KCNIP4: variants seen among roughly 807,000 people sequenced by gnomAD.
KCNIP4 encodes Kv channel-interacting protein 4.
A neutral mutation model predicts 34.0 loss-of-function variants in KCNIP4; 12 were observed. The ratio of observed to expected loss-of-function variants is 0.35; its 90% confidence interval spans 0.23 to 0.57. The LOEUF (loss-of-function observed/expected upper bound fraction) is 0.57. KCNIP4 is among the 20% of genes least tolerant of loss of function. The pLI is 0.83. For missense variants in KCNIP4, 238 were observed against 311.7 expected (o/e 0.76, Z 1.78); for synonymous variants, 124 against 102.2 (o/e 1.21, Z -1.29).
chr4:21,418,253 G>T (rs935689122), intron 1 of KCNIP4, among the ~76,000 whole-genome samples: 1 of 152,120 alleles, frequency 6.6e-6, no homozygotes, highest in East Asian at 1.9e-4. Context: ...GCCTGCATCC[G>T]TGCCTTATGC....
intron 1 of KCNIP4, among the ~76,000 whole-genome samples, chr4:21,347,653 G>A (rs1428606472): frequency 1.3e-5 from 2 of 152,194 alleles, no homozygotes; most frequent in East Asian, 3.8e-4. Context: ...TATGGGTGTT[G>A]TGTATTTAAG....
chr4:20,781,019 A>G (rs910412011), intron 3 of KCNIP4, among the ~76,000 whole-genome samples: 4 of 152,176 alleles, frequency 2.6e-5, no homozygotes, highest in African/African-American at 9.7e-5. Context: ...TTGGGAGATA[A>G]CCACCACATA....
intron 1 of KCNIP4, among the ~76,000 whole-genome samples, chr4:20,932,618 A>G (rs1730596090): frequency 6.6e-6 from 1 of 152,082 alleles, no homozygotes; most frequent in African/African-American, 2.4e-5. Flanking sequence ...AATTTGATTC[A>G]CCATAGTAAC....
At chr4:21,914,374 T>G (rs1392225534) in intron 1 of KCNIP4, among the ~76,000 whole-genome samples, 2 of 152,118 alleles carry the variant, frequency 1.3e-5, no homozygotes. Flanking sequence ...GACCACGTTG[T>G]GAGATGCAAA....
chr4:21,498,037 C>A (rs188083764), intron 1 of KCNIP4, among the ~76,000 whole-genome samples: 6 of 152,034 alleles, frequency 3.9e-5, no homozygotes, highest in African/African-American at 1.4e-4. Context: ...CTTCAGAAAG[C>A]CCTGGCTTCA....
chr4:21,069,317 T>G (rs1052593666), intron 1 of KCNIP4, among the ~76,000 whole-genome samples: 3 of 152,234 alleles, frequency 2.0e-5, no homozygotes, highest in African/African-American at 7.2e-5. Context: ...TACAGGATTT[T>G]ATATTGGTCC....
intron 5 of KCNIP4, among the ~76,000 whole-genome samples, chr4:20,738,798 C>T (rs1024049472): frequency 5.9e-5 from 9 of 152,174 alleles, no homozygotes; most frequent in South Asian, 2.1e-4. Context: ...GGCATCGCCT[C>T]ACCCAGGAAG....
chr4:21,744,501 G>A (rs971867605), intron 1 of KCNIP4, among the ~76,000 whole-genome samples: 19 of 152,274 alleles, frequency 1.2e-4, no homozygotes, highest in African/African-American at 4.6e-4. Context: ...CCAGGAAAAA[G>A]TTTACAGTCT....
At chr4:21,583,507 T>C (rs751907291) in intron 1 of KCNIP4, among the ~76,000 whole-genome samples, 3 of 151,942 alleles carry the variant, frequency 2.0e-5, no homozygotes, top group Non-Finnish European at 4.4e-5. Flanking sequence ...CATAAAGAAG[T>C]CCTAGGAACT....
chr4:21,689,789 AC>A (rs1322442449), intron 1 of KCNIP4, among the ~76,000 whole-genome samples: 1 of 152,020 alleles, frequency 6.6e-6, no homozygotes, highest in African/African-American at 2.4e-5. Context: ...TTCTATGCCC[AC>A]CCTGGCCACT....
chr4:21,770,462 TATA>T (rs1185782853), intron 1 of KCNIP4, among the ~76,000 whole-genome samples: 1 of 152,182 alleles, frequency 6.6e-6, no homozygotes, highest in Non-Finnish European at 1.5e-5. Context: ...TTCCTTTGAG[TATA>T]TACCCAGTAA....
chr4:20,772,161 G>A (rs1054127425), intron 3 of KCNIP4, among the ~76,000 whole-genome samples: 1 of 152,188 alleles, frequency 6.6e-6, no homozygotes, highest in Admixed American at 6.5e-5. Context: ...TTGAACTTGA[G>A]TTTGACTGCA....
At chr4:21,639,816 C>G (rs1039607793) in intron 1 of KCNIP4, among the ~76,000 whole-genome samples, 1 of 152,042 alleles carries the variant, frequency 6.6e-6, no homozygotes, top group Non-Finnish European at 1.5e-5. Flanking sequence ...ATTATATATT[C>G]TGGAACTGGG....
In KCNIP4 at chr4:21,627,030, T is replaced by A. The variant is rs369523068; in HGVS notation, c.61+321541A>T. ...CTTTTTCCTATTGCCTCTTAAATGT[T>A]GTTTTATAACTGAATGCTGAAGTCA... On this transcript the variant is annotated intron_variant, in intron 1 of 8. Transcript: ENST00000382152. Among the ~76,000 whole-genome samples, 262 of 152,326 alleles carry A rather than the reference T, an allele frequency of 1.7e-3. 10 individuals are homozygous for A. In the South Asian group the frequency reaches 0.047, roughly 28 times the overall value.
intron 1 of KCNIP4, among the ~76,000 whole-genome samples, chr4:21,449,137 T>C (rs1176470432): frequency 6.6e-6 from 1 of 152,212 alleles, no homozygotes; most frequent in Non-Finnish European, 1.5e-5. Flanking sequence ...AGGTATGGGC[T>C]GAAAGGACAT....
At chr4:21,504,043 A>T (rs540114996) in intron 1 of KCNIP4, among the ~76,000 whole-genome samples, 3 of 152,276 alleles carry the variant, frequency 2.0e-5, no homozygotes, top group African/African-American at 7.2e-5. Flanking sequence ...TCCAATTCCA[A>T]GCACTCTCAT....
chr4:20,961,426 A>G, intron 1 of KCNIP4, among the ~76,000 whole-genome samples: 1 of 152,220 alleles, frequency 6.6e-6, no homozygotes, highest in Non-Finnish European at 1.5e-5. Context: ...TGAGAAATGA[A>G]TACACTGATC....
At chr4:21,586,479 G>A (rs535170552) in intron 1 of KCNIP4, among the ~76,000 whole-genome samples, 63 of 152,144 alleles carry the variant, frequency 4.1e-4, no homozygotes, top group Admixed American at 5.9e-4. Flanking sequence ...GGTGTTAGGC[G>A]TGTGGGAGCA....
intron 1 of KCNIP4, among the ~76,000 whole-genome samples, chr4:21,892,322 C>T (rs961119597): frequency 1.4e-5 from 2 of 146,226 alleles, no homozygotes; most frequent in African/African-American, 5.0e-5. Flanking sequence ...TATCCAAATA[C>T]AAAAAAAAAA....
Sources: allele counts gnomAD v4.1 joint callset (sites outside exome capture counted in the v4.1 genomes callset), GRCh38; gene constraint gnomAD v4.1.1; transcripts MANE v1.5; gene names NCBI Gene and HGNC (gene_info 2026-07-23, HGNC 2026-07-21).